Variants in NAA16 observed in about 807,000 individuals in gnomAD.
The protein encoded by NAA16 is NARG1-like protein.
NAA16 carries 97 observed loss-of-function variants against 110.3 expected under a neutral mutation model. That is an observed-to-expected ratio of 0.88 (90% confidence interval 0.75 to 1.04). The LOEUF (loss-of-function observed/expected upper bound fraction) is 1.04. Among genes scored for constraint, NAA16 ranks in the 50% least tolerant of loss-of-function variants. The pLI is 0.00. For missense variants in NAA16, 1,017 were observed against 1,005.1 expected, an observed-to-expected ratio of 1.01 and a Z score of -0.16; for synonymous variants, 372 against 330.6, an observed-to-expected ratio of 1.13 and a Z score of -1.36.
chr13:41,337,149 A>C (rs1480550475), intron 9 of NAA16, among the ~76,000 whole-genome samples: 1 of 152,218 alleles, frequency 6.6e-6, no homozygotes, highest in Non-Finnish European at 1.5e-5. Context: ...CAATTTGGTC[A>C]AATTACTGGT....
chr13:41,360,653 C>T (rs2043094204), intron 12 of NAA16, among the ~76,000 whole-genome samples: 1 of 152,050 alleles, frequency 6.6e-6, no homozygotes, highest in African/African-American at 2.4e-5. Context: ...AGTTTGTTGG[C>T]CAGGCAAATC....
At position 41,349,463 on chromosome 13, in the gene NAA16, C is replaced by G. The variant is rs915500365; in HGVS notation, c.1015-5681C>G. 7.8e-3 allele frequency among the ~76,000 whole-genome samples: 1,067 copies of G among 137,656 alleles called. 16 individuals are homozygous for G. Among genetic ancestry groups the G allele is most frequent in the African/African-American group, 0.028 (1,014 of 36,274 alleles). The allele number at this position is 137,656 out of a possible 152,430, so 90.3% of individuals were successfully genotyped here. A position where few individuals can be genotyped will look rare whatever the true frequency, so the allele number is the denominator to read the frequency against. On this transcript the variant is annotated intron_variant, in intron 9 of 19. Coordinates refer to ENST00000379406, the MANE Select transcript of NAA16 (RefSeq NM_024561.5). ...TCCCAAAGTGCTGGGATTATGGGCA[C>G]GAGCCACTGTGCCTGGTCCTTTCTT...
chr13:41,372,191 G>T lies in NAA16; in HGVS notation c.1948-12G>T. ...TGTTTTTTAAATAATTTTCCTTTCT[G>T]TTTCAAAATAGGTAGAAAATCCATT... is the stretch of plus-strand genomic sequence containing the variant. On this transcript the variant is annotated splice_polypyrimidine_tract_variant and intron_variant, in intron 15 of 19. Coordinates refer to ENST00000379406, the MANE Select transcript of NAA16 (RefSeq NM_024561.5). 1 of 1,509,772 alleles carries T rather than the reference G, an allele frequency of 6.6e-7. No homozygotes were observed. The highest frequency in any genetic ancestry group is 8.9e-7 in the Non-Finnish European group (1 of 1,124,384). The allele number at this position is 1,509,772 out of a possible 1,614,324, so 93.5% of individuals were successfully genotyped here.
intron 10 of NAA16, among the ~76,000 whole-genome samples, chr13:41,356,410 GAA>G: frequency 4.8e-5 from 7 of 146,178 alleles, no homozygotes; most frequent in Admixed American, 2.1e-4. Flanking sequence ...CACGTAAACA[GAA>G]GAAGTCATCG....
chr13:41,323,401 A>G (rs2073129107), intron 5 of NAA16, among the ~76,000 whole-genome samples: 1 of 147,922 alleles, frequency 6.8e-6, no homozygotes, highest in Non-Finnish European at 1.5e-5. Context: ...CCCAGGCTGG[A>G]GTGCAGTGGC....
intron 15 of NAA16, among the ~76,000 whole-genome samples, chr13:41,371,932 C>T (rs1316252641): frequency 6.6e-6 from 1 of 152,066 alleles, no homozygotes; most frequent in Non-Finnish European, 1.5e-5. Context: ...TGTACCATCT[C>T]TTTAAGTCTG....
intron 2 of NAA16, among the ~76,000 whole-genome samples, chr13:41,318,314 T>C (rs1234546233): frequency 6.6e-6 from 1 of 152,098 alleles, no homozygotes; most frequent in African/African-American, 2.4e-5. Flanking sequence ...CAAGCAGTGC[T>C]CCTGCCTCAG....
chr13:41,348,127 A>G (rs1335226320), intron 9 of NAA16, among the ~76,000 whole-genome samples: 1 of 152,048 alleles, frequency 6.6e-6, no homozygotes, highest in Non-Finnish European at 1.5e-5. Context: ...ATCTATTGAT[A>G]TATGGTATAT....
chr13:41,339,402 G>A (rs556190117), intron 9 of NAA16, among the ~76,000 whole-genome samples: 1 of 152,252 alleles, frequency 6.6e-6, no homozygotes, highest in South Asian at 2.1e-4. Flanking sequence ...GCCTCCCAAA[G>A]TGCTGGGATT....
intron 18 of NAA16, chr13:41,374,333 A>G (rs1396463455): frequency 6.5e-6 from 1 of 154,376 alleles, no homozygotes; most frequent in African/African-American, 2.4e-5. Context: ...TTTATTCCTT[A>G]GATGTTTTAT....
intron 5 of NAA16, 23 bp from the exon 6 acceptor site, chr13:41,325,670 ATAAAG>A (rs1359017589): frequency 3.4e-6 from 5 of 1,475,892 alleles, no homozygotes; most frequent in Admixed American, 2.0e-5. Flanking sequence ...AATTATACAA[ATAAAG>A]TAATTTGGTC....
chr13:41,359,090 T>C (rs1342864292), intron 12 of NAA16, 128 bp downstream of exon 12: 9 of 756,716 alleles, frequency 1.2e-5, no homozygotes, highest in Non-Finnish European at 1.7e-5. Context: ...TTATTGTTTT[T>C]TAAAATCCCA....
intron 18 of NAA16, 76 bp from the exon 19 acceptor site, chr13:41,374,666 A>T: frequency 1.0e-6 from 1 of 964,566 alleles, no homozygotes; most frequent in Non-Finnish European, 1.6e-6. Flanking sequence ...CCATATTTGA[A>T]GTCACTGGCC....
At chr13:41,339,956 A>G (rs1182488945) in intron 9 of NAA16, among the ~76,000 whole-genome samples, 1 of 152,196 alleles carries the variant, frequency 6.6e-6, no homozygotes, top group Non-Finnish European at 1.5e-5. Flanking sequence ...GGTGAAGAAA[A>G]GGAGAAATTC....
chr13:41,355,722 C>T (rs2139485658), intron 10 of NAA16, among the ~76,000 whole-genome samples: 1 of 152,330 alleles, frequency 6.6e-6, no homozygotes, highest in East Asian at 1.9e-4. Context: ...GCCACCACAC[C>T]TGGGCTTAAC....
chr13:41,331,436 A>C, intron 8 of NAA16, 67 bp downstream of exon 8: 1 of 1,186,566 alleles, frequency 8.4e-7, no homozygotes, highest in East Asian at 2.5e-5. Context: ...TTTATATTTT[A>C]GAAACGTGTT....
chr13:41,333,753 T>G (rs2042303131), intron 8 of NAA16, among the ~76,000 whole-genome samples: 1 of 152,110 alleles, frequency 6.6e-6, no homozygotes. Context: ...CTGCCTAAAT[T>G]TATTTCCATA....
At chr13:41,339,962 A>C (rs1432384870) in intron 9 of NAA16, among the ~76,000 whole-genome samples, 1 of 152,162 alleles carries the variant, frequency 6.6e-6, no homozygotes. Flanking sequence ...GAAAAGGAGA[A>C]ATTCTCATTT....
At chr13:41,354,717 A>T (rs1157441192) in intron 9 of NAA16, 1 of 152,828 alleles carries the variant, frequency 6.5e-6, no homozygotes, top group African/African-American at 2.4e-5. Context: ...CCGTAATTAT[A>T]GTAAGTACAA....
Sources: allele counts gnomAD v4.1 joint callset (sites outside exome capture counted in the v4.1 genomes callset), GRCh38; gene constraint gnomAD v4.1.1; transcripts MANE v1.5; gene names NCBI Gene and HGNC (gene_info 2026-07-23, HGNC 2026-07-21).